KCNN2: variants seen among roughly 807,000 people sequenced by gnomAD.
The protein encoded by KCNN2 is potassium calcium-activated channel subfamily N member 2.
A neutral mutation model predicts 55.5 loss-of-function variants in KCNN2; 24 were observed. The ratio of observed to expected loss-of-function variants is 0.43; its 90% CI spans 0.31 to 0.61. KCNN2 has a LOEUF of 0.61. Ranked by LOEUF, KCNN2 falls within the 20% of genes least tolerant of loss-of-function variation. KCNN2 has a pLI of 0.08. For missense variants in KCNN2, 754 were observed against 853.6 expected, an observed-to-expected ratio of 0.88 and a Z score of 1.45; for synonymous variants, 431 against 336.1, an observed-to-expected ratio of 1.28 and a Z score of -3.09.
intron 2 of KCNN2, among the ~76,000 whole-genome samples, chr5:114,330,527 T>G (rs563133868): frequency 2.8e-4 from 42 of 152,238 alleles, no homozygotes; most frequent in African/African-American, 8.4e-4. Context: ...CATCATTTTT[T>G]GGGGGGGCTT....
intron 1 of KCNN2, among the ~76,000 whole-genome samples, chr5:114,142,485 A>C (rs912785304): frequency 6.6e-6 from 1 of 152,156 alleles, no homozygotes; most frequent in Non-Finnish European, 1.5e-5. Flanking sequence ...ATCTCAGCCC[A>C]AAATCTCCTT....
intron 1 of KCNN2, among the ~76,000 whole-genome samples, chr5:114,145,771 T>C (rs1315247607): frequency 1.3e-5 from 2 of 152,114 alleles, no homozygotes; most frequent in Non-Finnish European, 2.9e-5. Context: ...GTATAGTTTT[T>C]AACAGTCTGT....
intron 1 of KCNN2, among the ~76,000 whole-genome samples, chr5:114,160,271 C>A (rs954748230): frequency 1.3e-5 from 2 of 152,174 alleles, no homozygotes; most frequent in Non-Finnish European, 2.9e-5. Flanking sequence ...ACGCCATAGT[C>A]GTTCAGGAGC....
chr5:114,467,278 T>C (rs975183947), intron 4 of KCNN2, among the ~76,000 whole-genome samples: 5 of 152,204 alleles, frequency 3.3e-5, no homozygotes, highest in Non-Finnish European at 7.3e-5. Context: ...CTGATTATAC[T>C]CCTCTTCCTG....
chr5:114,379,513 T>C (rs954145742), intron 2 of KCNN2, among the ~76,000 whole-genome samples: 1 of 124,032 alleles, frequency 8.1e-6, no homozygotes, highest in Admixed American at 8.8e-5. Flanking sequence ...TATATATTTA[T>C]AGAATATATT....
chr5:114,203,062 T>C (rs1430313188), intron 1 of KCNN2, among the ~76,000 whole-genome samples: 1 of 152,206 alleles, frequency 6.6e-6, no homozygotes, highest in African/African-American at 2.4e-5. Context: ...ATTACACATT[T>C]GCCCTGCCAT....
At chr5:114,459,346 C>T (rs573136409) in intron 3 of KCNN2, among the ~76,000 whole-genome samples, 4 of 152,280 alleles carry the variant, frequency 2.6e-5, no homozygotes, top group South Asian at 2.1e-4. Context: ...CAAATCATTT[C>T]TTCATGCCTT....
chr5:114,088,321 A>G (rs1751060190), intron 1 of KCNN2, among the ~76,000 whole-genome samples: 1 of 151,432 alleles, frequency 6.6e-6, no homozygotes, highest in African/African-American at 2.4e-5. Flanking sequence ...TTTATTCTCA[A>G]AAATCTCATT....
At chr5:114,154,918 T>G (rs754685392) in intron 1 of KCNN2, among the ~76,000 whole-genome samples, 2 of 152,146 alleles carry the variant, frequency 1.3e-5, no homozygotes, top group Admixed American at 6.6e-5. Context: ...AGTGGGTAGA[T>G]GTACACGTTT....
chr5:114,140,936 G>C (rs566694923), intron 1 of KCNN2, among the ~76,000 whole-genome samples: 1 of 151,526 alleles, frequency 6.6e-6, no homozygotes, highest in South Asian at 2.1e-4. Context: ...TTGTAGGTGC[G>C]CACCACCACA....
intron 2 of KCNN2, among the ~76,000 whole-genome samples, chr5:114,264,650 A>G (rs551646556): frequency 1.9e-4 from 29 of 152,318 alleles, no homozygotes; most frequent in African/African-American, 6.7e-4. Context: ...AGATTTTAAG[A>G]GTTGCCAACT....
chr5:114,199,048 T>C (rs1468195500), intron 1 of KCNN2, among the ~76,000 whole-genome samples: 1 of 152,146 alleles, frequency 6.6e-6, no homozygotes, highest in Non-Finnish European at 1.5e-5. Context: ...CTATTATTAT[T>C]GTATTGCTGT....
At chr5:114,344,391 G>T (rs566301763) in intron 2 of KCNN2, among the ~76,000 whole-genome samples, 1 of 152,092 alleles carries the variant, frequency 6.6e-6, no homozygotes, top group Non-Finnish European at 1.5e-5. Context: ...GTCTGGGAGG[G>T]CTGCAAGTGT....
In KCNN2 at chr5:114,281,166, C is replaced by T. The variant is rs72799632; in HGVS notation, c.-185+59601C>T. ...CTTCCTAACAAGGAAATATGCTTAACATTATATTGTATAATGCATTTATTT... is the reference window on the plus strand; with the variant it reads ...CTTCCTAACAAGGAAATATGCTTAATATTATATTGTATAATGCATTTATTT... On this transcript the variant is annotated intron_variant, in intron 2 of 10. Transcript: ENST00000512097. Among the ~76,000 whole-genome samples the T allele has an allele frequency of 9.0e-3, 1,371 of 152,212 alleles. 13 individuals are homozygous for T. The highest frequency in any genetic ancestry group is 0.015 in the Non-Finnish European group (1,038 of 68,004).
intron 2 of KCNN2, among the ~76,000 whole-genome samples, chr5:114,384,223 A>G (rs996739263): frequency 6.6e-6 from 1 of 152,262 alleles, no homozygotes; most frequent in Admixed American, 6.5e-5. Flanking sequence ...CACTTGGTTT[A>G]CTTTAATATA....
At chr5:114,292,306 A>G (rs2150018332) in intron 2 of KCNN2, among the ~76,000 whole-genome samples, 1 of 152,312 alleles carries the variant, frequency 6.6e-6, no homozygotes, top group Admixed American at 6.5e-5. Context: ...GTTTTCTTCT[A>G]GGGTTTTTAT....
chr5:114,071,128 A>G (rs987366105), intron 1 of KCNN2, among the ~76,000 whole-genome samples: 1 of 152,200 alleles, frequency 6.6e-6, no homozygotes, highest in Admixed American at 6.5e-5. Flanking sequence ...TACTCTGGCT[A>G]ATTAAAGAAG....
chr5:114,106,421 G>A (rs866521455), intron 1 of KCNN2, among the ~76,000 whole-genome samples: 1 of 151,710 alleles, frequency 6.6e-6, no homozygotes, highest in African/African-American at 2.4e-5. Flanking sequence ...TATATATTGC[G>A]AAGGGTTTTC....
intron 5 of KCNN2, among the ~76,000 whole-genome samples, chr5:114,474,366 G>C (rs1761880297): frequency 6.6e-6 from 1 of 152,126 alleles, no homozygotes; most frequent in East Asian, 1.9e-4. Context: ...GTTTATAGTA[G>C]ATGGTCAGAG....
Sources: allele counts gnomAD v4.1 joint callset (sites outside exome capture counted in the v4.1 genomes callset), GRCh38; gene constraint gnomAD v4.1.1; transcripts MANE v1.5; gene names NCBI Gene and HGNC (gene_info 2026-07-23, HGNC 2026-07-21).